CRLF3: variants seen among roughly 807,000 people sequenced by gnomAD.
CRLF3 encodes the protein cytokine receptor like factor 3, also known as cytokine receptor-like factor 3.
Under a neutral mutation model 55.0 loss-of-function variants are expected in CRLF3, and 33 were observed. The observed-to-expected ratio is 0.60, with a 90% CI of 0.46 to 0.80. The LOEUF is 0.80. Among genes scored for constraint, CRLF3 ranks in the 30% least tolerant of loss-of-function variants. The pLI is 0.00. For synonymous variants in CRLF3, 238 were observed against 196.8 expected, an observed-to-expected ratio of 1.21 and a Z score of -1.75; for missense variants, 494 against 538.4, an observed-to-expected ratio of 0.92 and a Z score of 0.82.
At chr17:30,813,560 C>T (rs1904689003) in intron 1 of CRLF3, among the ~76,000 whole-genome samples, 1 of 151,620 alleles carries the variant, frequency 6.6e-6, no homozygotes, top group South Asian at 2.1e-4. Flanking sequence ...ATTATTATGG[C>T]TGACATTAAT....
chr17:30,796,043 G>C, intron 4 of CRLF3, 117 bp downstream of exon 4: 1 of 589,654 alleles, frequency 1.7e-6, no homozygotes, highest in Non-Finnish European at 2.8e-6. Flanking sequence ...AAGTAAAAGA[G>C]ATTTTTGTTT....
chr17:30,812,811 A>C (rs1166094557), intron 1 of CRLF3, among the ~76,000 whole-genome samples: 1 of 152,140 alleles, frequency 6.6e-6, no homozygotes, highest in East Asian at 1.9e-4. Context: ...GGCCACCATG[A>C]AAGAAGTATG....
chr17:30,818,974 C>A (rs768506519), intron 1 of CRLF3, among the ~76,000 whole-genome samples: 50 of 152,038 alleles, frequency 3.3e-4, no homozygotes, highest in Middle Eastern at 6.8e-3. Context: ...TTCCACCACA[C>A]CTGGCTAATT....
intron 1 of CRLF3, among the ~76,000 whole-genome samples, chr17:30,814,964 T>C (rs971560426): frequency 3.4e-5 from 5 of 148,124 alleles, no homozygotes; most frequent in East Asian, 2.1e-4. Context: ...TATTGCGCCA[T>C]TGCACTCCAG....
At chr17:30,795,967 TAAATA>T (rs1971910724) in intron 4 of CRLF3, among the ~76,000 whole-genome samples, 188 bp downstream of exon 4, 1 of 151,968 alleles carries the variant, frequency 6.6e-6, no homozygotes, top group South Asian at 2.1e-4. Context: ...AAAAAATAAA[TAAATA>T]AAATAAAAAT....
intron 2 of CRLF3, among the ~76,000 whole-genome samples, chr17:30,802,526 C>T (rs1179451918): frequency 6.6e-6 from 1 of 151,982 alleles, no homozygotes. Context: ...AATCTCCTGG[C>T]CTCAAGGGAT....
At chr17:30,786,313 C>G (rs1244751055) in intron 6 of CRLF3, 1 of 233,830 alleles carries the variant, frequency 4.3e-6, no homozygotes, top group South Asian at 8.3e-5. Flanking sequence ...GACCTTGGCT[C>G]ACTGCAACCT....
At chr17:30,784,505 T>A in intron 7 of CRLF3, 62 bp from the exon 8 acceptor site, 1 of 1,413,514 alleles carries the variant, frequency 7.1e-7, no homozygotes, top group East Asian at 2.3e-5. Context: ...CTGAAATAGT[T>A]TCTAGATTAC....
Position 30,793,598 on chromosome 17 carries a change from T to A in CRLF3, c.678A>T (p.Val226=), listed in dbSNP as rs754713503. The change falls in exon 5 of 8, where the codon GTA becomes GTT. Residue 226 remains valine (V), a synonymous_variant. Coordinates refer to ENST00000324238, the MANE Select transcript of CRLF3 (RefSeq NM_015986.4). ...RKCTSNHFED[V]YVGSETEFIV... is the part of the protein sequence containing the mutation. ...TGAATTCAGTTTCAGAACCTACATA[T>A]ACATCCTCAAAATGATTTGAAGTAC... 2 of 1,614,044 alleles carry A rather than the reference T, an allele frequency of 1.2e-6. No individual in the cohort carries two copies. Among genetic ancestry groups the A allele is most frequent in the Admixed American group, 1.7e-5 (1 of 59,976 alleles).
rs371707687 is a variant in CRLF3, at chr17:30,793,579, C to T, written c.697G>A (p.Glu233Lys). 6.2e-7 allele frequency: 1 copy of T among 1,613,942 alleles called. No homozygotes were observed. Among genetic ancestry groups the T allele is most frequent in the Non-Finnish European group, 8.5e-7 (1 of 1,179,972 alleles). The change falls in exon 5 of 8, where the codon GAA (glutamate) becomes AAA (lysine). Residue 233 changes from glutamate to lysine, a missense_variant. Physicochemically the swap from Glu to Lys is moderately conservative, Grantham distance 56. Coordinates refer to ENST00000324238, the MANE Select transcript of CRLF3 (RefSeq NM_015986.4). ...FEDVYVGSETEFIVLHIDPNV... is the reference protein window; with the variant it reads ...FEDVYVGSETKFIVLHIDPNV... ...GGGTCTATGTGCAATACTATGAATT[C>T]AGTTTCAGAACCTACATATACATCC...
intron 2 of CRLF3, among the ~76,000 whole-genome samples, chr17:30,799,899 C>G (rs1180230290): frequency 1.3e-5 from 2 of 152,114 alleles, no homozygotes; most frequent in Non-Finnish European, 2.9e-5. Context: ...GGTTTGTTTC[C>G]AAATGCAAAG....
At chr17:30,798,660 G>A (rs1971959942) in intron 2 of CRLF3, among the ~76,000 whole-genome samples, 1 of 151,966 alleles carries the variant, frequency 6.6e-6, no homozygotes, top group South Asian at 2.1e-4. Flanking sequence ...CCAACATGAT[G>A]AAACCCCGTC....
chr17:30,785,778 T>C (rs1304883172), intron 7 of CRLF3, 141 bp downstream of exon 7: 2 of 541,070 alleles, frequency 3.7e-6, no homozygotes, highest in East Asian at 6.3e-5. Flanking sequence ...TGAGACTTCA[T>C]AATAAAAAAA....
rs969054613 is a variant in CRLF3 at position 30,817,887 on chromosome 17, AGAGT to A, written c.129+6632_129+6635del. Among the ~76,000 whole-genome samples, 13 of 142,872 alleles carry A rather than the reference AGAGT, an allele frequency of 9.1e-5. No individual in the cohort carries two copies. The Admixed American group carries it at 9.2e-4, about 10-fold the overall frequency. The allele number at this position is 142,872 out of a possible 152,430, so 93.7% of individuals were successfully genotyped here. ...CGCCACTGCACTCCAGCATGGCGAC[AGAGT>A]GAGACTCCATCCCAAAAAAAAAAAA... On this transcript the variant is annotated intron_variant, in intron 1 of 7. Coordinates refer to ENST00000324238, the MANE Select transcript of CRLF3 (RefSeq NM_015986.4).
intron 4 of CRLF3, 110 bp downstream of exon 4, chr17:30,796,050 G>GT (rs1971911523): frequency 1.6e-6 from 1 of 624,448 alleles, no homozygotes. Context: ...AGAGATTTTT[G>GT]TTTGAGAAGA....
intron 1 of CRLF3, among the ~76,000 whole-genome samples, chr17:30,821,958 C>T (rs919515351): frequency 1.3e-5 from 2 of 151,152 alleles, no homozygotes; most frequent in African/African-American, 2.4e-5. Context: ...CAGTGGCTCA[C>T]ACCTGTAATT....
intron 1 of CRLF3, among the ~76,000 whole-genome samples, chr17:30,815,366 G>A (rs547501535): frequency 2.0e-5 from 3 of 151,312 alleles, no homozygotes; most frequent in East Asian, 4.0e-4. Flanking sequence ...GATTACAGGT[G>A]TGAGCCATTG....
intron 2 of CRLF3, chr17:30,803,524 GCT>G (rs1972038163): frequency 5.2e-6 from 1 of 191,840 alleles, no homozygotes; most frequent in Admixed American, 5.5e-5. Flanking sequence ...ATATAATTTG[GCT>G]CTGTGTCCCC....
intron 4 of CRLF3, among the ~76,000 whole-genome samples, chr17:30,794,195 G>A (rs1971868402): frequency 6.6e-6 from 1 of 152,080 alleles, no homozygotes; most frequent in Admixed American, 6.6e-5. Flanking sequence ...AAAAAAGTCT[G>A]CCTCCTTTGA....
Sources: allele counts gnomAD v4.1 joint callset (sites outside exome capture counted in the v4.1 genomes callset), GRCh38; gene constraint gnomAD v4.1.1; transcripts MANE v1.5; gene names NCBI Gene and HGNC (gene_info 2026-07-23, HGNC 2026-07-21).